The following ROBO2 variants were observed in gnomAD, a reference collection of about 807,000 sequenced individuals.
ROBO2 encodes the protein roundabout homolog 2.
A neutral mutation model predicts 160.8 loss-of-function variants in ROBO2; 53 were observed. That is an observed-to-expected ratio of 0.33 (90% confidence interval 0.26 to 0.41). The LOEUF is 0.41. ROBO2 is among the 10% of genes least tolerant of loss of function. The pLI is 1.00. For synonymous variants in ROBO2, 664 were observed against 611.7 expected, an observed-to-expected ratio of 1.09 and a Z score of -1.26; for missense variants, 1,577 against 1,722.4, an observed-to-expected ratio of 0.92 and a Z score of 1.49.
chr3:76,754,727 C>A (rs1451898237), intron 2 of ROBO2, among the ~76,000 whole-genome samples: 1 of 151,818 alleles, frequency 6.6e-6, no homozygotes, highest in African/African-American at 2.4e-5. Flanking sequence ...TTGCTAATAA[C>A]ATACTTGAGA....
At position 77,568,302 on chromosome 3, in the gene ROBO2, T is replaced by TCTAA. The variant is rs751688726; in HGVS notation, c.1850-8_1850-5dup. 1.7e-5 allele frequency: 27 copies of TCTAA among 1,612,538 alleles called. No homozygotes were observed. The highest frequency in any genetic ancestry group is 2.3e-5 in the Non-Finnish European group (27 of 1,179,048). ...TTTAAAGGTGGGAATGATTCTCTTC[T>TCTAA]CTAACTGCAGATATCAGCCCACCAG... On this transcript the variant is annotated splice_polypyrimidine_tract_variant and intron_variant, in intron 12 of 25. Coordinates refer to ENST00000461745, the Ensembl canonical transcript of ROBO2.
At chr3:76,446,309 A>G (rs890284729) in intron 2 of ROBO2, among the ~76,000 whole-genome samples, 2 of 152,204 alleles carry the variant, frequency 1.3e-5, no homozygotes, top group Admixed American at 1.3e-4. Context: ...AAGAGAATAA[A>G]ATACCTAGGA....
At chr3:77,616,183 G>A (rs2094771942) in intron 21 of ROBO2, among the ~76,000 whole-genome samples, 1 of 152,106 alleles carries the variant, frequency 6.6e-6, no homozygotes, top group South Asian at 2.1e-4. Flanking sequence ...AACTGATGAC[G>A]TTTGAAGTGA....
At chr3:77,029,677 G>T (rs947582179) in intron 2 of ROBO2, among the ~76,000 whole-genome samples, 2 of 152,090 alleles carry the variant, frequency 1.3e-5, no homozygotes, top group Admixed American at 6.5e-5. Flanking sequence ...GATGTTCATG[G>T]TATAGAATTA....
chr3:76,033,074 C>T (rs1384876536), intron 2 of ROBO2, among the ~76,000 whole-genome samples: 4 of 147,920 alleles, frequency 2.7e-5, no homozygotes, highest in African/African-American at 1.0e-4. Context: ...ATAGTACTTC[C>T]AAAACATCGT....
chr3:76,153,967 G>A (rs962515523), intron 2 of ROBO2, among the ~76,000 whole-genome samples: 1 of 152,108 alleles, frequency 6.6e-6, no homozygotes, highest in Non-Finnish European at 1.5e-5. Context: ...CGTATTTCAA[G>A]AAGAACTTCA....
At chr3:77,413,350 G>A (rs779477294) in intron 2 of ROBO2, among the ~76,000 whole-genome samples, 16 of 152,140 alleles carry the variant, frequency 1.1e-4, no homozygotes, top group Non-Finnish European at 1.9e-4. Context: ...GGAGTTCCAT[G>A]TGAGTGGAAC....
At chr3:76,175,756 C>A (rs1353396738) in intron 2 of ROBO2, among the ~76,000 whole-genome samples, 1 of 151,972 alleles carries the variant, frequency 6.6e-6, no homozygotes, top group Non-Finnish European at 1.5e-5. Context: ...AAACTTCTAC[C>A]GTGTGTGTTT....
intron 2 of ROBO2, among the ~76,000 whole-genome samples, chr3:77,004,275 A>G (rs2061472178): frequency 6.6e-6 from 1 of 152,252 alleles, no homozygotes; most frequent in Non-Finnish European, 1.5e-5. Flanking sequence ...TTTCTCAAAT[A>G]CAGGAATAGG....
At chr3:77,344,673 T>C (rs2067437173) in intron 2 of ROBO2, among the ~76,000 whole-genome samples, 1 of 152,072 alleles carries the variant, frequency 6.6e-6, no homozygotes, top group South Asian at 2.1e-4. Flanking sequence ...TTTTTTGTTA[T>C]AGCAGCCCAA....
chr3:77,236,389 T>C (rs1049697154), intron 2 of ROBO2, among the ~76,000 whole-genome samples: 1 of 152,102 alleles, frequency 6.6e-6, no homozygotes, highest in Non-Finnish European at 1.5e-5. Flanking sequence ...TCTGTGCCAG[T>C]GCTAATGCTG....
At chr3:77,628,358 T>G (rs2095078877) in intron 23 of ROBO2, among the ~76,000 whole-genome samples, 1 of 151,806 alleles carries the variant, frequency 6.6e-6, no homozygotes, top group African/African-American at 2.4e-5. Flanking sequence ...GAAAATCAGT[T>G]ATCACAAAAG....
intron 2 of ROBO2, among the ~76,000 whole-genome samples, chr3:76,773,223 G>A (rs571389805): frequency 6.6e-6 from 1 of 150,810 alleles, no homozygotes; most frequent in South Asian, 2.1e-4. Flanking sequence ...TTGTTGTAAG[G>A]TGACTATTTT....
chr3:77,318,790 C>A (rs555144125), intron 2 of ROBO2, among the ~76,000 whole-genome samples: 2 of 152,132 alleles, frequency 1.3e-5, no homozygotes, highest in African/African-American at 4.8e-5. Context: ...TACCATGAAC[C>A]AGCCAATGAT....
chr3:77,198,142 T>G (rs1372542081), intron 2 of ROBO2, among the ~76,000 whole-genome samples: 1 of 152,222 alleles, frequency 6.6e-6, no homozygotes, highest in African/African-American at 2.4e-5. Context: ...GGCACAGTTT[T>G]TCAAATTTTG....
At chr3:76,532,387 C>T (rs115366021) in intron 2 of ROBO2, among the ~76,000 whole-genome samples, 6 of 152,176 alleles carry the variant, frequency 3.9e-5, no homozygotes, top group Admixed American at 3.9e-4. Context: ...CCCTGGTAAT[C>T]TGACCATTGT....
intron 1 of ROBO2, among the ~76,000 whole-genome samples, chr3:77,068,137 T>C (rs879457859): frequency 4.6e-5 from 7 of 152,086 alleles, no homozygotes; most frequent in Non-Finnish European, 1.0e-4. Context: ...TTTCATAAAG[T>C]TGTAACTAAA....
intron 2 of ROBO2, among the ~76,000 whole-genome samples, chr3:77,324,129 C>T (rs931319983): frequency 6.6e-6 from 1 of 152,110 alleles, no homozygotes; most frequent in African/African-American, 2.4e-5. Context: ...GACTATAACC[C>T]AGTTCTAATC....
chr3:76,822,828 T>G (rs2066239709), intron 2 of ROBO2, among the ~76,000 whole-genome samples: 1 of 152,058 alleles, frequency 6.6e-6, no homozygotes, highest in African/African-American at 2.4e-5. Context: ...CTTTTTACTT[T>G]TATTCTTCTT....
Sources: allele counts gnomAD v4.1 joint callset (sites outside exome capture counted in the v4.1 genomes callset), GRCh38; gene constraint gnomAD v4.1.1; transcripts MANE v1.5; gene names NCBI Gene and HGNC (gene_info 2026-07-23, HGNC 2026-07-21).